Variants in NKAIN3 observed in about 807,000 individuals in gnomAD.
The protein encoded by NKAIN3 is sodium/potassium-transporting ATPase subunit beta-1-interacting protein 3.
NKAIN3 carries 25 observed loss-of-function variants against 30.2 expected under a neutral mutation model. The ratio of observed to expected loss-of-function variants is 0.83; its 90% CI spans 0.60 to 1.16. NKAIN3 has a LOEUF of 1.16. Among genes scored for constraint, NKAIN3 ranks in the 50% most tolerant of loss-of-function variants. The probability of loss-of-function intolerance (pLI) is 0.00; values close to 1 mark genes in which losing one functional copy is unlikely to be tolerated. For synonymous variants in NKAIN3, 91 were observed against 89.6 expected (o/e 1.02, Z -0.09); for missense variants, 225 against 254.1 (o/e 0.89, Z 0.78).
At chr8:62,597,770 C>G (rs1201055278) in intron 3 of NKAIN3, among the ~76,000 whole-genome samples, 1 of 151,934 alleles carries the variant, frequency 6.6e-6, no homozygotes, top group Non-Finnish European at 1.5e-5. Flanking sequence ...TATCTCTCTG[C>G]AATCCAGTCT....
At chr8:62,312,617 A>T (rs1023145957) in intron 1 of NKAIN3, among the ~76,000 whole-genome samples, 11 of 142,640 alleles carry the variant, frequency 7.7e-5, no homozygotes, top group Non-Finnish European at 1.5e-4. Flanking sequence ...CAGGAGTTTG[A>T]GACCAGCGTG....
At position 62,970,610 on chromosome 8, in the gene NKAIN3, A is replaced by C. The variant is rs11991160; in HGVS notation, c.*5203A>C. Among the ~76,000 whole-genome samples, 27,733 of 152,112 alleles carry C rather than the reference A, an allele frequency of 0.18. 2,672 individuals are homozygous for C. The highest frequency in any genetic ancestry group is 0.28 in the East Asian group (1,465 of 5,156). ...TAAGTAAAAAGAAGAAAAGAATAGA[A>C]GGTAGAAAGGAAGGGAGAGGAAAAT... On this transcript the variant is annotated 3_prime_UTR_variant, in exon 7 of 7. Transcript: ENST00000623646.
At chr8:62,695,979 T>G (rs1184389924) in intron 3 of NKAIN3, among the ~76,000 whole-genome samples, 1 of 152,186 alleles carries the variant, frequency 6.6e-6, no homozygotes, top group Non-Finnish European at 1.5e-5. Flanking sequence ...ATATTTTATA[T>G]GTATGCACAC....
At chr8:62,800,107 T>C (rs7816541) in intron 4 of NKAIN3, among the ~76,000 whole-genome samples, 63,917 of 151,922 alleles carry the variant, frequency 0.42, 16,069 homozygotes, top group Non-Finnish European at 0.57. Flanking sequence ...GTGTATACTG[T>C]TTGGGTGATG....
intron 3 of NKAIN3, among the ~76,000 whole-genome samples, chr8:62,619,374 G>A (rs1187145128): frequency 6.6e-6 from 1 of 152,154 alleles, no homozygotes; most frequent in African/African-American, 2.4e-5. Flanking sequence ...TCATCTGCAT[G>A]ATAAAACTTT....
intron 4 of NKAIN3, among the ~76,000 whole-genome samples, chr8:62,828,457 C>G (rs1387059433): frequency 6.6e-6 from 1 of 152,086 alleles, no homozygotes; most frequent in African/African-American, 2.4e-5. Context: ...TAAATGCTTT[C>G]TCTTTACAAT....
chr8:62,556,650 G>A lies in NKAIN3; in HGVS notation c.55-22889G>A, dbSNP rs555880603. Among the ~76,000 whole-genome samples, 31 of 151,848 alleles carry A rather than the reference G, an allele frequency of 2.0e-4. No homozygotes were observed. In the South Asian group the frequency reaches 2.9e-3, roughly 14 times the overall value. On this transcript the variant is annotated intron_variant, in intron 1 of 6. Coordinates refer to ENST00000623646, the MANE Select transcript of NKAIN3 (RefSeq NM_001304533.3). Reference sequence around the variant, plus strand: ...TACTAAAGCAAAGCAAGGTGATATAGCTATGCCAGATATAATAGAATTTAA... The same window carrying A: ...TACTAAAGCAAAGCAAGGTGATATAACTATGCCAGATATAATAGAATTTAA...
intron 4 of NKAIN3, among the ~76,000 whole-genome samples, chr8:62,807,905 T>C (rs1818355233): frequency 6.6e-6 from 1 of 151,670 alleles, no homozygotes; most frequent in Non-Finnish European, 1.5e-5. Context: ...GTGATTATGT[T>C]AAAAATAGGC....
At chr8:62,256,118 G>A (rs1380415656) in intron 1 of NKAIN3, among the ~76,000 whole-genome samples, 1 of 152,064 alleles carries the variant, frequency 6.6e-6, no homozygotes, top group Middle Eastern at 3.2e-3. Context: ...TAGTTTTTAA[G>A]ATTTTAGGAC....
chr8:62,573,534 C>T (rs1282618756), intron 1 of NKAIN3, among the ~76,000 whole-genome samples: 1 of 151,540 alleles, frequency 6.6e-6, no homozygotes, highest in Non-Finnish European at 1.5e-5. Flanking sequence ...TCTTTCCTGC[C>T]TTCTTTTCTT....
At chr8:62,470,625 G>C (rs530323241) in intron 1 of NKAIN3, among the ~76,000 whole-genome samples, 2 of 152,234 alleles carry the variant, frequency 1.3e-5, no homozygotes, top group African/African-American at 4.8e-5. Context: ...CACATGAGCT[G>C]AAGGCAGAGC....
intron 1 of NKAIN3, among the ~76,000 whole-genome samples, chr8:62,395,057 A>ACATTGCG (rs1817705440): frequency 6.7e-6 from 1 of 149,026 alleles, no homozygotes; most frequent in African/African-American, 2.5e-5. Flanking sequence ...CACTTCCCAG[A>ACATTGCG]CGGTGGGTCG....
intron 1 of NKAIN3, among the ~76,000 whole-genome samples, chr8:62,419,671 T>C (rs963113172): frequency 8.5e-5 from 13 of 152,332 alleles, no homozygotes; most frequent in African/African-American, 3.1e-4. Flanking sequence ...ATGGCTACTC[T>C]ATTCATGGTT....
chr8:62,705,236 T>C (rs557708504), intron 3 of NKAIN3, among the ~76,000 whole-genome samples: 2 of 152,318 alleles, frequency 1.3e-5, no homozygotes, highest in African/African-American at 4.8e-5. Flanking sequence ...CTCTTTCACT[T>C]TATACTACTT....
intron 1 of NKAIN3, among the ~76,000 whole-genome samples, chr8:62,318,888 G>T (rs1439517911): frequency 6.6e-6 from 1 of 152,074 alleles, no homozygotes; most frequent in African/African-American, 2.4e-5. Flanking sequence ...CTATTGATTG[G>T]AATAGTTTCA....
intron 3 of NKAIN3, among the ~76,000 whole-genome samples, chr8:62,711,792 T>C (rs1814728444): frequency 1.3e-5 from 2 of 151,910 alleles, no homozygotes; most frequent in African/African-American, 4.9e-5. Context: ...ACTAGTGTGA[T>C]TTTTTGGGAG....
intron 1 of NKAIN3, among the ~76,000 whole-genome samples, chr8:62,436,949 T>C (rs1805191288): frequency 6.6e-6 from 1 of 152,166 alleles, no homozygotes; most frequent in African/African-American, 2.4e-5. Context: ...TAAAAAATCA[T>C]TCATATTTAA....
intron 1 of NKAIN3, among the ~76,000 whole-genome samples, chr8:62,452,012 C>T (rs1171616242): frequency 1.3e-5 from 2 of 152,198 alleles, no homozygotes; most frequent in Non-Finnish European, 2.9e-5. Flanking sequence ...ATTACAATGT[C>T]ATGAACCCAG....
intron 4 of NKAIN3, among the ~76,000 whole-genome samples, chr8:62,760,574 A>C (rs2130615354): frequency 6.7e-6 from 1 of 149,296 alleles, no homozygotes; most frequent in East Asian, 2.1e-4. Flanking sequence ...GGAATTGAAC[A>C]ATGAGAACAC....
Sources: gnomAD v4.1 joint callset for allele counts (sites outside exome capture counted in the v4.1 genomes callset) on GRCh38, gnomAD v4.1.1 for gene constraint, MANE v1.5 for transcripts, NCBI Gene and HGNC (gene_info 2026-07-23, HGNC 2026-07-21) for gene names.